Variants in PTPRD observed in about 807,000 individuals in gnomAD.
PTPRD encodes the protein protein tyrosine phosphatase receptor type D, also known as receptor-type tyrosine-protein phosphatase delta.
A neutral mutation model predicts 214.5 loss-of-function variants in PTPRD; 34 were observed. That is an observed-to-expected ratio of 0.16 (90% CI 0.12 to 0.21). The LOEUF (loss-of-function observed/expected upper bound fraction) is 0.21, where lower values mean the gene tolerates loss of function less well. Among genes scored for constraint, PTPRD ranks in the 10% least tolerant of loss-of-function variants. PTPRD has a pLI of 1.00. For missense variants in PTPRD, 2,545 were observed against 2,398.7 expected, an observed-to-expected ratio of 1.06 and a Z score of -1.27; for synonymous variants, 1,128 against 845.7, an observed-to-expected ratio of 1.33 and a Z score of -5.79.
chr9:9,853,244 T>C (rs1052615669), intron 5 of PTPRD, among the ~76,000 whole-genome samples: 25 of 152,352 alleles, frequency 1.6e-4, no homozygotes, highest in African/African-American at 5.0e-4. Context: ...ATAGGAGCTA[T>C]AGACAACATG....
intron 7 of PTPRD, among the ~76,000 whole-genome samples, chr9:9,601,169 G>A (rs2093737554): frequency 6.7e-6 from 1 of 148,284 alleles, no homozygotes; most frequent in Non-Finnish European, 1.5e-5. Flanking sequence ...GGGAGAGTGG[G>A]GAGAGAGAGA....
chr9:10,236,164 C>T (rs935834548), intron 3 of PTPRD, among the ~76,000 whole-genome samples: 2 of 151,848 alleles, frequency 1.3e-5, no homozygotes, highest in Non-Finnish European at 2.9e-5. Context: ...CACAGATATA[C>T]CTGCACTCTA....
At chr9:10,354,783 A>G (rs763354381) in intron 2 of PTPRD, among the ~76,000 whole-genome samples, 2 of 152,126 alleles carry the variant, frequency 1.3e-5, no homozygotes, top group Non-Finnish European at 2.9e-5. Flanking sequence ...TTACTGTGGC[A>G]TGGGAAATGC....
chr9:8,853,501 A>G (rs1049624619), intron 11 of PTPRD, among the ~76,000 whole-genome samples: 1 of 152,216 alleles, frequency 6.6e-6, no homozygotes, highest in Non-Finnish European at 1.5e-5. Context: ...CCAGCTACCA[A>G]TTAGAAGCAA....
intron 5 of PTPRD, among the ~76,000 whole-genome samples, chr9:9,922,886 G>T (rs1017760431): frequency 1.3e-5 from 2 of 151,966 alleles, no homozygotes; most frequent in African/African-American, 2.4e-5. Flanking sequence ...TTCTAGGTTG[G>T]ACTCCATGCT....
At chr9:9,250,973 G>A (rs2099975239) in intron 9 of PTPRD, among the ~76,000 whole-genome samples, 1 of 152,084 alleles carries the variant, frequency 6.6e-6, no homozygotes, top group South Asian at 2.1e-4. Context: ...CAGAAAGCAT[G>A]AACCAGCTTA....
At chr9:8,621,650 G>GTTTGTA (rs1291392324) in intron 14 of PTPRD, among the ~76,000 whole-genome samples, 128 of 151,878 alleles carry the variant, frequency 8.4e-4, no homozygotes, top group Non-Finnish European at 1.6e-3. Flanking sequence ...ATTTGCTATT[G>GTTTGTA]AGCCAGTGAG....
chr9:9,582,539 GA>G (rs78053154), intron 7 of PTPRD, among the ~76,000 whole-genome samples: 14,663 of 152,000 alleles, frequency 0.096, 910 homozygotes, highest in East Asian at 0.15. Flanking sequence ...TATGGAAAAA[GA>G]AAGCAGATTA....
chr9:8,331,446 A>C (rs1231840999), intron 44 of PTPRD, 136 bp downstream of exon 44: 23 of 1,012,052 alleles, frequency 2.3e-5, no homozygotes, highest in Non-Finnish European at 2.9e-5. Flanking sequence ...AGAAAGAGAA[A>C]TCAATCCTGC....
rs200119622 is a variant in PTPRD, at chr9:8,485,743, G to C, written c.3055+19C>G. The C allele has an allele frequency of 6.3e-7, 1 of 1,587,182 alleles. No homozygotes were observed. The highest frequency in any genetic ancestry group is 8.6e-7 in the Non-Finnish European group (1 of 1,163,314). ...GACAATCCTTTAAAGGAGGAAGGCCGTAAGCAGACAAATCCTACCTTGATC... is the reference window on the plus strand; with the variant it reads ...GACAATCCTTTAAAGGAGGAAGGCCCTAAGCAGACAAATCCTACCTTGATC... On this transcript the variant is annotated intron_variant, in intron 28 of 45. Transcript: ENST00000381196.
At chr9:9,201,535 G>A (rs1378900990) in intron 9 of PTPRD, among the ~76,000 whole-genome samples, 6 of 151,874 alleles carry the variant, frequency 4.0e-5, no homozygotes, top group Admixed American at 3.9e-4. Flanking sequence ...GGGGAATAGA[G>A]TACTATATTA....
At chr9:9,740,657 C>T (rs765095410) in intron 6 of PTPRD, among the ~76,000 whole-genome samples, 2 of 152,152 alleles carry the variant, frequency 1.3e-5, no homozygotes, top group African/African-American at 2.4e-5. Context: ...AGCCACCGCA[C>T]CTGGCCTCTA....
rs774457309 is a variant in PTPRD at position 9,320,444 on chromosome 9, T to C, written c.-203+77005A>G. ...TTTTAGAAATATATTATCTAATTAT[T>C]AAAATAAAGTAAGGAAGAAAGCAGG... On this transcript the variant is annotated intron_variant, in intron 9 of 45. Transcript: ENST00000381196. Among the ~76,000 whole-genome samples, 99 of 152,276 alleles carry C rather than the reference T, an allele frequency of 6.5e-4. 1 individual carries two copies. Among genetic ancestry groups the C allele is most frequent in the Middle Eastern group, 3.4e-3 (1 of 294 alleles).
At chr9:8,701,142 C>T (rs1485007465) in intron 12 of PTPRD, among the ~76,000 whole-genome samples, 3 of 151,522 alleles carry the variant, frequency 2.0e-5, no homozygotes, top group African/African-American at 4.9e-5. Flanking sequence ...GCCTGGACGA[C>T]AAAGCAAGAC....
At chr9:9,252,796 T>C (rs1275725875) in intron 9 of PTPRD, among the ~76,000 whole-genome samples, 2 of 152,108 alleles carry the variant, frequency 1.3e-5, no homozygotes, top group African/African-American at 4.8e-5. Flanking sequence ...TGGGTACTCA[T>C]GCTAATACGC....
chr9:8,425,746 TA>T (rs2094621699), intron 35 of PTPRD, among the ~76,000 whole-genome samples: 1 of 152,166 alleles, frequency 6.6e-6, no homozygotes, highest in Non-Finnish European at 1.5e-5. Context: ...GGTTCTCCAG[TA>T]AATGTTAAAC....
chr9:9,297,702 G>A (rs76926765), intron 9 of PTPRD, among the ~76,000 whole-genome samples: 2,204 of 151,656 alleles, frequency 0.015, 20 homozygotes, highest in Non-Finnish European at 0.018. Flanking sequence ...ATTGATGGTT[G>A]GTTAAGGAGA....
At chr9:9,856,587 C>T (rs2061594304) in intron 5 of PTPRD, among the ~76,000 whole-genome samples, 1 of 151,278 alleles carries the variant, frequency 6.6e-6, no homozygotes, top group Non-Finnish European at 1.5e-5. Flanking sequence ...AGTGACAATT[C>T]CCAGCAATCA....
chr9:8,602,302 A>C (rs2094916952), intron 14 of PTPRD, among the ~76,000 whole-genome samples: 1 of 152,208 alleles, frequency 6.6e-6, no homozygotes, highest in South Asian at 2.1e-4. Flanking sequence ...TTGCTGGCAT[A>C]CACCTTCCTC....
Sources: gnomAD v4.1 joint callset for allele counts (sites outside exome capture counted in the v4.1 genomes callset) on GRCh38, gnomAD v4.1.1 for gene constraint, MANE v1.5 for transcripts, NCBI Gene and HGNC (gene_info 2026-07-23, HGNC 2026-07-21) for gene names.